LOC400499: variants seen among roughly 807,000 people sequenced by gnomAD.
the LOC400499 span, among the ~76,000 whole-genome samples, chr16:11,481,303 T>C: frequency 1.3e-5 from 2 of 152,160 alleles, no homozygotes; most frequent in Non-Finnish European, 2.9e-5. Context: ...ACATGGTGAA[T>C]GTACTAAATA....
the LOC400499 span, among the ~76,000 whole-genome samples, chr16:11,382,109 G>T: frequency 2.0e-5 from 3 of 151,182 alleles, no homozygotes; most frequent in South Asian, 6.3e-4. Flanking sequence ...GCTAATTTTT[G>T]TATTTGTGGT....
the LOC400499 span, among the ~76,000 whole-genome samples, chr16:11,393,166 T>TTA: frequency 7.2e-6 from 1 of 138,378 alleles, no homozygotes; most frequent in Non-Finnish European, 1.5e-5. Context: ...CCCCCCCCCT[T>TTA]TTTTTTAAGT....
the LOC400499 span, among the ~76,000 whole-genome samples, chr16:11,400,560 C>T: frequency 6.6e-6 from 1 of 152,184 alleles, no homozygotes; most frequent in Non-Finnish European, 1.5e-5. Context: ...CCCGCCTCAG[C>T]CTCCCAAGCA....
chr16:11,514,590 C>G, the LOC400499 span: 3 of 399,590 alleles, frequency 7.5e-6, no homozygotes, highest in Non-Finnish European at 8.8e-6. Flanking sequence ...TAGCCATCCA[C>G]AGGACCCAGC....
chr16:11,463,347 C>T, the LOC400499 span, among the ~76,000 whole-genome samples: 13 of 149,222 alleles, frequency 8.7e-5, no homozygotes, highest in Admixed American at 8.9e-4. Context: ...CTACTTAATG[C>T]TCTCTGTCCC....
the LOC400499 span, among the ~76,000 whole-genome samples, chr16:11,503,127 T>TTGCCCAGGC: frequency 0.11 from 16,669 of 151,602 alleles, 1,480 homozygotes; most frequent in African/African-American, 0.24. Context: ...TTTCACCATG[T>TTGCCCAGGC]TGGTCTCAAA....
At chr16:11,433,863 T>G in the LOC400499 span, among the ~76,000 whole-genome samples, 1 of 152,366 alleles carries the variant, frequency 6.6e-6, no homozygotes, top group Admixed American at 6.5e-5. Flanking sequence ...TACCTTGCCC[T>G]ATGCGTCTCT....
the LOC400499 span, chr16:11,478,609 A>AAGCTC: frequency 2.5e-6 from 1 of 399,040 alleles, no homozygotes; most frequent in Non-Finnish European, 4.4e-6. Flanking sequence ...GCAGTTCACA[A>AAGCTC]AGCTCAGCTC....
the LOC400499 span, among the ~76,000 whole-genome samples, chr16:11,379,539 C>T: frequency 6.6e-6 from 1 of 152,146 alleles, no homozygotes; most frequent in Non-Finnish European, 1.5e-5. Flanking sequence ...TGGTGGAATT[C>T]ATTTGTATTT....
At chr16:11,429,665 G>C in the LOC400499 span, among the ~76,000 whole-genome samples, 1 of 151,974 alleles carries the variant, frequency 6.6e-6, no homozygotes, top group Non-Finnish European at 1.5e-5. Context: ...GTAGCGACGG[G>C]GTTTCACCAT....
chr16:11,501,515 T>C, the LOC400499 span, among the ~76,000 whole-genome samples: 2 of 151,976 alleles, frequency 1.3e-5, no homozygotes, highest in Non-Finnish European at 2.9e-5. Flanking sequence ...CGCTACCAAG[T>C]CGAGCTAACT....
chr16:11,404,632 C>A, the LOC400499 span: 2 of 398,458 alleles, frequency 5.0e-6, no homozygotes, highest in Non-Finnish European at 8.8e-6. Flanking sequence ...CAGGCATGAG[C>A]CACCGCGCCT....
chr16:11,390,491 G>A, the LOC400499 span: 1 of 1,234,118 alleles, frequency 8.1e-7, no homozygotes, highest in Non-Finnish European at 1.0e-6. Flanking sequence ...CACCCACCAT[G>A]AGACCTCAGG....
the LOC400499 span, among the ~76,000 whole-genome samples, chr16:11,503,991 C>T: frequency 6.6e-6 from 1 of 152,224 alleles, no homozygotes; most frequent in Non-Finnish European, 1.5e-5. Context: ...CTTTCCCCAG[C>T]TGCCCTTGGC....
the LOC400499 span, among the ~76,000 whole-genome samples, chr16:11,386,673 C>G: frequency 6.6e-6 from 1 of 152,364 alleles, no homozygotes; most frequent in African/African-American, 2.4e-5. Flanking sequence ...TTAGACTCAC[C>G]TGGCCACACA....
chr16:11,389,770 C>G, the LOC400499 span, among the ~76,000 whole-genome samples: 83 of 151,606 alleles, frequency 5.5e-4, no homozygotes, highest in African/African-American at 1.9e-3. Flanking sequence ...AGATGCGACT[C>G]TCAGGCCCTC....
At chr16:11,524,853 T>C in the LOC400499 span, among the ~76,000 whole-genome samples, 12 of 151,252 alleles carry the variant, frequency 7.9e-5, no homozygotes, top group Non-Finnish European at 1.5e-4. Flanking sequence ...ACCCGTGCCC[T>C]CCTATGCATT....
chr16:11,422,467 C>T, the LOC400499 span, among the ~76,000 whole-genome samples: 3 of 152,188 alleles, frequency 2.0e-5, no homozygotes, highest in Admixed American at 6.5e-5. Context: ...GAAAGGAAAA[C>T]GAAGCAAAGG....
At chr16:11,492,941 G>T in the LOC400499 span, among the ~76,000 whole-genome samples, 12 of 152,172 alleles carry the variant, frequency 7.9e-5, no homozygotes, top group Non-Finnish European at 1.8e-4. Context: ...AGACGTACAG[G>T]ATGTGAAAAA....
Sources: gnomAD v4.1 joint callset for allele counts (sites outside exome capture counted in the v4.1 genomes callset) on GRCh38, gnomAD v4.1.1 for gene constraint, MANE v1.5 for transcripts.